Variants in COL21A1 observed in about 807,000 individuals in gnomAD.
COL21A1 encodes collagen type XXI alpha 1 chain.
In COL21A1, 149 loss-of-function variants were observed where a neutral mutation model predicts 137.9. The ratio of observed to expected loss-of-function variants is 1.08; its 90% CI spans 0.95 to 1.24. The LOEUF (loss-of-function observed/expected upper bound fraction) is 1.24. COL21A1 is among the 50% of genes most tolerant of loss of function. The pLI, the probability that COL21A1 is intolerant of heterozygous loss-of-function variation, is 0.00. For missense variants in COL21A1, 1,167 were observed against 1,158.4 expected (o/e 1.01, Z -0.11); for synonymous variants, 456 against 391.5 (o/e 1.16, Z -1.95).
intron 1 of COL21A1, among the ~76,000 whole-genome samples, chr6:56,190,450 T>C (rs556029346): frequency 6.6e-6 from 1 of 152,298 alleles, no homozygotes; most frequent in East Asian, 1.9e-4. Context: ...CAGTAATTAA[T>C]AGCCTACCAA....
chr6:56,109,551 A>G (rs865916160), intron 16 of COL21A1, among the ~76,000 whole-genome samples: 4 of 151,928 alleles, frequency 2.6e-5, no homozygotes, highest in African/African-American at 9.6e-5. Flanking sequence ...AAAATAAGAG[A>G]AAGTTATCCA....
chr6:56,082,360 G>A (rs1767864598), intron 17 of COL21A1, among the ~76,000 whole-genome samples: 1 of 151,862 alleles, frequency 6.6e-6, no homozygotes, highest in Admixed American at 6.6e-5. Context: ...TGTATGTATA[G>A]ACATATGTAA....
intron 10 of COL21A1, among the ~76,000 whole-genome samples, chr6:56,156,280 A>G (rs1775735814): frequency 6.6e-6 from 1 of 152,148 alleles, no homozygotes; most frequent in Admixed American, 6.5e-5. Flanking sequence ...CTCTCTTCCC[A>G]AGCTGGCCTT....
At chr6:56,345,322 T>G (rs1765571444) in intron 1 of COL21A1, among the ~76,000 whole-genome samples, 1 of 152,096 alleles carries the variant, frequency 6.6e-6, no homozygotes, top group Non-Finnish European at 1.5e-5. Context: ...TTTGCAGTCC[T>G]TTAAGAACAA....
intron 25 of COL21A1, 156 bp from the exon 26 acceptor site, chr6:56,061,193 G>T: frequency 1.5e-6 from 1 of 653,166 alleles, no homozygotes; most frequent in Non-Finnish European, 2.5e-6. Flanking sequence ...TGACCAGAAG[G>T]GAAATTTCAT....
chr6:56,365,215 A>C (rs1334312074), intron 1 of COL21A1, among the ~76,000 whole-genome samples: 1 of 152,136 alleles, frequency 6.6e-6, no homozygotes, highest in Non-Finnish European at 1.5e-5. Context: ...AGCTATCTAC[A>C]CTTGACCAAA....
chr6:56,203,854 A>C (rs1779570520), intron 1 of COL21A1, among the ~76,000 whole-genome samples: 1 of 152,176 alleles, frequency 6.6e-6, no homozygotes, highest in African/African-American at 2.4e-5. Context: ...TCAGCTGGGA[A>C]GTGCAAGGGG....
intron 1 of COL21A1, among the ~76,000 whole-genome samples, chr6:56,372,769 CA>C (rs2093991791): frequency 6.6e-6 from 1 of 152,190 alleles, no homozygotes; most frequent in Non-Finnish European, 1.5e-5. Context: ...CTTAATTCTG[CA>C]GTCCAGTTCT....
At chr6:56,381,329 C>T (rs2094008314) in intron 1 of COL21A1, among the ~76,000 whole-genome samples, 1 of 152,134 alleles carries the variant, frequency 6.6e-6, no homozygotes, top group African/African-American at 2.4e-5. Context: ...GGAATAGACA[C>T]CTAAATTCAG....
intron 17 of COL21A1, among the ~76,000 whole-genome samples, chr6:56,094,890 T>C (rs1335003244): frequency 2.0e-5 from 3 of 152,190 alleles, no homozygotes; most frequent in Non-Finnish European, 4.4e-5. Context: ...GACTGGTTCA[T>C]GCCCACCAGA....
At chr6:56,151,711 C>G (rs1200201655) in intron 10 of COL21A1, among the ~76,000 whole-genome samples, 1 of 152,196 alleles carries the variant, frequency 6.6e-6, no homozygotes, top group African/African-American at 2.4e-5. Flanking sequence ...CAAGTCCAAA[C>G]AAAGCAGAAT....
rs1773659272 is a variant in COL21A1 at position 56,132,747 on chromosome 6, G to A, written c.1543-6598C>T. Among the ~76,000 whole-genome samples, 6 of 152,306 alleles carry A rather than the reference G, an allele frequency of 3.9e-5. No individual in the cohort carries two copies. In the South Asian group the frequency reaches 1.2e-3, roughly 32 times the overall value. Reference sequence around the variant, plus strand: ...ACTTGTCATGGGAGGAACCCAGTGGGAGGTAATTGAATCATAGGGGCGGGT... The same window carrying A: ...ACTTGTCATGGGAGGAACCCAGTGGAAGGTAATTGAATCATAGGGGCGGGT... On this transcript the variant is annotated intron_variant, in intron 12 of 29. Transcript: ENST00000244728.
intron 1 of COL21A1, among the ~76,000 whole-genome samples, chr6:56,360,240 T>C (rs990139041): frequency 1.3e-5 from 2 of 152,178 alleles, no homozygotes; most frequent in East Asian, 1.9e-4. Context: ...GCCAGTTGCA[T>C]TGTGCCATGG....
chr6:56,287,477 T>G (rs928627659), intron 1 of COL21A1, among the ~76,000 whole-genome samples: 5 of 152,090 alleles, frequency 3.3e-5, no homozygotes, highest in Non-Finnish European at 7.4e-5. Flanking sequence ...TGATATTGAG[T>G]GAGTTCTCAT....
Position 56,297,657 on chromosome 6 carries a change from T to C in COL21A1, c.-39+96314A>G, listed in dbSNP as rs117112737. On this transcript the variant is annotated intron_variant, in intron 1 of 28. Transcript: ENST00000370819. Reference sequence around the variant, plus strand: ...TCACTTGGTTTTTTATTGATGGCAATGTGAAAAGTAAAATCCCTAAAAAAC... The same window carrying C: ...TCACTTGGTTTTTTATTGATGGCAACGTGAAAAGTAAAATCCCTAAAAAAC... Among the ~76,000 whole-genome samples the C allele has an allele frequency of 9.9e-4, 150 of 152,228 alleles. 3 individuals carry two copies. The East Asian group carries it at 0.028, about 29-fold the overall frequency.
intron 1 of COL21A1, among the ~76,000 whole-genome samples, chr6:56,295,508 A>G (rs989468714): frequency 4.6e-5 from 7 of 152,034 alleles, no homozygotes; most frequent in African/African-American, 1.7e-4. Context: ...TTAGGATTCC[A>G]TTGAATCCAT....
chr6:56,348,677 T>A (rs1272704123), intron 1 of COL21A1, among the ~76,000 whole-genome samples: 1 of 151,734 alleles, frequency 6.6e-6, no homozygotes. Context: ...GTCCAAAAGG[T>A]GAGGGGAGGA....
At position 56,266,025 on chromosome 6, in the gene COL21A1, G is replaced by A. The variant is rs1279799729; in HGVS notation, c.-38-83369C>T. 2.0e-5 allele frequency among the ~76,000 whole-genome samples: 3 copies of A among 152,218 alleles called. No homozygotes were observed. The South Asian group carries it at 6.2e-4, about 32-fold the overall frequency. ...AGCAGTTGTTAAAGCCTCTGTCCCA[G>A]TGCTTTTAACGAGGCAATTTTACTC... is the stretch of plus-strand genomic sequence containing the variant. On this transcript the variant is annotated intron_variant, in intron 1 of 28. Coordinates refer to the COL21A1 transcript ENST00000370819.
rs551363432 is a variant in COL21A1 at position 56,330,633 on chromosome 6, A to G, written c.-39+63338T>C. Among the ~76,000 whole-genome samples the G allele has an allele frequency of 3.9e-5, 6 of 152,182 alleles. No individual in the cohort carries two copies. The East Asian group carries it at 1.2e-3, about 29-fold the overall frequency. On this transcript the variant is annotated intron_variant, in intron 1 of 28. Transcript: ENST00000370819. ...ATAATAAACATTGTACCCAATAAGT[A>G]ATATTTCATCCCTCGCCTCTCTCCC...
Sources: gnomAD v4.1 joint callset for allele counts (sites outside exome capture counted in the v4.1 genomes callset) on GRCh38, gnomAD v4.1.1 for gene constraint, MANE v1.5 for transcripts, NCBI Gene and HGNC (gene_info 2026-07-23, HGNC 2026-07-21) for gene names.